AGBL4: variants seen among roughly 807,000 people sequenced by gnomAD.
AGBL4 encodes the protein cytosolic carboxypeptidase 6.
In AGBL4, 58 loss-of-function variants were observed where a neutral mutation model predicts 66.4. The ratio of observed to expected loss-of-function variants is 0.87; its 90% CI spans 0.71 to 1.09. The LOEUF (loss-of-function observed/expected upper bound fraction) is 1.09, where lower values mean the gene tolerates loss of function less well. AGBL4 is among the 50% of genes least tolerant of loss of function. The pLI is 0.00. For synonymous variants in AGBL4, 234 were observed against 222.9 expected (o/e 1.05, Z -0.44); for missense variants, 579 against 631.0 (o/e 0.92, Z 0.88).
At chr1:48,829,593 T>A (rs1204638500) in intron 6 of AGBL4, among the ~76,000 whole-genome samples, 1 of 152,132 alleles carries the variant, frequency 6.6e-6, no homozygotes, top group Non-Finnish European at 1.5e-5. Flanking sequence ...CTCCTCACCC[T>A]TGAATATAAC....
intron 3 of AGBL4, among the ~76,000 whole-genome samples, chr1:49,638,029 A>T (rs1396739506): frequency 6.6e-6 from 1 of 152,222 alleles, no homozygotes; most frequent in African/African-American, 2.4e-5. Context: ...TCTTCTAATG[A>T]TAATAATAAG....
intron 6 of AGBL4, among the ~76,000 whole-genome samples, chr1:48,776,084 C>T (rs1459513897): frequency 6.6e-6 from 1 of 152,156 alleles, no homozygotes; most frequent in Non-Finnish European, 1.5e-5. Context: ...TCATAGCTTC[C>T]CTCTGTGAGG....
intron 3 of AGBL4, among the ~76,000 whole-genome samples, chr1:49,657,618 C>A (rs1646171126): frequency 6.6e-6 from 1 of 152,270 alleles, no homozygotes; most frequent in Non-Finnish European, 1.5e-5. Flanking sequence ...TACTACAAGG[C>A]CACAGTAACC....
intron 2 of AGBL4, among the ~76,000 whole-genome samples, chr1:49,810,855 A>C (rs917302526): frequency 6.6e-6 from 1 of 152,188 alleles, no homozygotes; most frequent in East Asian, 1.9e-4. Flanking sequence ...CATATACAAC[A>C]TATTGAAAAG....
intron 2 of AGBL4, among the ~76,000 whole-genome samples, chr1:49,710,890 T>A (rs1394952300): frequency 6.6e-6 from 1 of 151,512 alleles, no homozygotes; most frequent in Non-Finnish European, 1.5e-5. Flanking sequence ...AGCAAAAAAT[T>A]AAATTAAAAT....
At chr1:49,554,979 C>A (rs888361384) in intron 3 of AGBL4, among the ~76,000 whole-genome samples, 2 of 152,026 alleles carry the variant, frequency 1.3e-5, no homozygotes, top group African/African-American at 4.8e-5. Context: ...CAGCACGGAC[C>A]CAAAGAGTGA....
At chr1:49,676,113 C>A (rs1290592231) in intron 3 of AGBL4, among the ~76,000 whole-genome samples, 1 of 151,950 alleles carries the variant, frequency 6.6e-6, no homozygotes, top group Non-Finnish European at 1.5e-5. Flanking sequence ...AAAACAAACA[C>A]CCAGAGAGGT....
intron 8 of AGBL4, 60 bp downstream of exon 8, chr1:48,653,277 T>C: frequency 7.6e-7 from 1 of 1,315,560 alleles, no homozygotes; most frequent in Non-Finnish European, 1.0e-6. Flanking sequence ...GTATTTTTTC[T>C]TGCTTCCATA....
At chr1:48,550,491 T>C (rs751841330) in intron 11 of AGBL4, among the ~76,000 whole-genome samples, 3 of 152,164 alleles carry the variant, frequency 2.0e-5, no homozygotes, top group Non-Finnish European at 4.4e-5. Context: ...TGATTGTATT[T>C]AGGACCTATC....
intron 3 of AGBL4, among the ~76,000 whole-genome samples, chr1:49,653,780 A>C (rs1277954775): frequency 6.6e-6 from 1 of 151,848 alleles, no homozygotes; most frequent in African/African-American, 2.4e-5. Context: ...GAGAAAAAAG[A>C]ATGAAAAGTA....
intron 2 of AGBL4, among the ~76,000 whole-genome samples, chr1:49,814,752 G>A (rs1645190462): frequency 6.6e-6 from 1 of 152,122 alleles, no homozygotes; most frequent in Admixed American, 6.6e-5. Context: ...ATCATTGAAG[G>A]AATATCTAGG....
chr1:49,266,068 C>G (rs1227249516), intron 3 of AGBL4: 1 of 152,040 alleles, frequency 6.6e-6, no homozygotes, highest in Non-Finnish European at 1.5e-5. Context: ...GTTGAAGAGT[C>G]ACAGGGAATC....
chr1:49,242,041 G>A (rs181592746), intron 4 of AGBL4, among the ~76,000 whole-genome samples: 51 of 151,542 alleles, frequency 3.4e-4, no homozygotes, highest in Admixed American at 3.1e-3. Flanking sequence ...TTTTCCCCTC[G>A]TGGCCTTAAT....
chr1:48,680,100 G>T (rs1420639802), intron 6 of AGBL4, among the ~76,000 whole-genome samples: 1 of 152,198 alleles, frequency 6.6e-6, no homozygotes, highest in Non-Finnish European at 1.5e-5. Context: ...ATTCCCAGAA[G>T]AAATGTTTTC....
chr1:49,217,419 T>C (rs762155343), intron 4 of AGBL4, among the ~76,000 whole-genome samples: 12 of 152,164 alleles, frequency 7.9e-5, no homozygotes, highest in Non-Finnish European at 1.3e-4. Context: ...ATTTTCTTTT[T>C]ATCTTGCTTA....
In AGBL4 at chr1:48,560,158, C is replaced by T. The variant is rs77811028; in HGVS notation, c.1268-20420G>A. 4.1e-3 allele frequency among the ~76,000 whole-genome samples: 628 copies of T among 152,266 alleles called. 5 individuals are homozygous for T. Among genetic ancestry groups the T allele is most frequent in the African/African-American group, 0.014 (589 of 41,548 alleles). The stretch of plus-strand genomic sequence containing the variant: ...TTTTTATCTTGTGTTATAAGATTTA[C>T]GCAGGTGTTGCTTTTTCACTATGAC... On this transcript the variant is annotated intron_variant, in intron 11 of 13. Transcript: ENST00000371839.
intron 9 of AGBL4, among the ~76,000 whole-genome samples, chr1:48,601,715 A>C (rs1287947876): frequency 2.0e-5 from 3 of 152,200 alleles, no homozygotes; most frequent in Admixed American, 2.0e-4. Flanking sequence ...TTCTCAGAAG[A>C]AGCTCAGAGC....
At chr1:48,605,186 C>G (rs1342202608) in intron 9 of AGBL4, among the ~76,000 whole-genome samples, 1 of 152,328 alleles carries the variant, frequency 6.6e-6, no homozygotes, top group East Asian at 1.9e-4. Context: ...CACTCTATCA[C>G]TCTGTCTTGA....
intron 3 of AGBL4, among the ~76,000 whole-genome samples, chr1:49,655,362 C>G (rs989892800): frequency 6.6e-6 from 1 of 152,106 alleles, no homozygotes; most frequent in South Asian, 2.1e-4. Flanking sequence ...CTCTGGCTGC[C>G]CTTAACATTT....
Sources: allele counts gnomAD v4.1 joint callset (sites outside exome capture counted in the v4.1 genomes callset), GRCh38; gene constraint gnomAD v4.1.1; transcripts MANE v1.5; gene names NCBI Gene and HGNC (gene_info 2026-07-23, HGNC 2026-07-21).